Variants in ANKRD30A observed in about 807,000 individuals in gnomAD.
The protein encoded by ANKRD30A is ankyrin repeat domain-containing protein 30A.
A neutral mutation model predicts 166.3 loss-of-function variants in ANKRD30A; 170 were observed. That is an observed-to-expected ratio of 1.02 (90% CI 0.90 to 1.16). ANKRD30A has a LOEUF of 1.16. Ranked by LOEUF, ANKRD30A falls within the 50% of genes most tolerant of loss-of-function variation. The pLI is 0.00. For synonymous variants in ANKRD30A, 564 were observed against 508.9 expected (o/e 1.11, Z -1.46); for missense variants, 1,630 against 1,518.0 (o/e 1.07, Z -1.23).
In ANKRD30A at chr10:37,148,645, C is replaced by T. The variant is rs181583537; in HGVS notation, c.1544-1006C>T. Among the ~76,000 whole-genome samples, 141 of 151,948 alleles carry T rather than the reference C, an allele frequency of 9.3e-4. 1 individual carries two copies. Among genetic ancestry groups the T allele is most frequent in the African/African-American group, 3.2e-3 (131 of 41,472 alleles). Reference sequence around the variant, plus strand: ...AAATTATGGACACTCCAGAGACTACCAGAAGCAGGAGTCTTACTAGAATTG... The same window carrying T: ...AAATTATGGACACTCCAGAGACTACTAGAAGCAGGAGTCTTACTAGAATTG... On this transcript the variant is annotated intron_variant, in intron 9 of 35. Transcript: ENST00000361713.
chr10:37,162,745 T>G (rs755260374), intron 16 of ANKRD30A, 31 bp from the exon 17 acceptor site: 9 of 1,613,556 alleles, frequency 5.6e-6, no homozygotes, highest in Admixed American at 1.7e-5. Flanking sequence ...ATACATTCTT[T>G]ATTAATCATT....
chr10:37,205,438 G>C (rs1412994750), intron 31 of ANKRD30A, among the ~76,000 whole-genome samples: 1 of 150,868 alleles, frequency 6.6e-6, no homozygotes, highest in Non-Finnish European at 1.5e-5. Context: ...ATCACACACG[G>C]GGGCCTGTCA....
chr10:37,241,904 A>G, the ANKRD30A span: 1 of 152,168 alleles, frequency 6.6e-6, no homozygotes, highest in Admixed American at 6.5e-5. Flanking sequence ...GAACCATTTG[A>G]GAGTAAATTG....
intron 13 of ANKRD30A, among the ~76,000 whole-genome samples, chr10:37,154,524 T>C (rs1838217309): frequency 6.6e-6 from 1 of 152,094 alleles, no homozygotes; most frequent in Non-Finnish European, 1.5e-5. Flanking sequence ...ATTTTGAGGA[T>C]GTTTTTAGTC....
At chr10:37,200,391 C>G (rs1368532452) in intron 30 of ANKRD30A, among the ~76,000 whole-genome samples, 1 of 151,914 alleles carries the variant, frequency 6.6e-6, no homozygotes, top group East Asian at 1.9e-4. Flanking sequence ...AATGGAACTC[C>G]TTGAGTCCCT....
At chr10:37,134,512 T>C (rs917297322) in intron 5 of ANKRD30A, among the ~76,000 whole-genome samples, 6 of 152,230 alleles carry the variant, frequency 3.9e-5, no homozygotes, top group African/African-American at 1.2e-4. Flanking sequence ...CTAGTAATGA[T>C]TGACCTTTGT....
intron 31 of ANKRD30A, among the ~76,000 whole-genome samples, chr10:37,201,950 A>G (rs762942064): frequency 3.0e-4 from 46 of 152,060 alleles, no homozygotes; most frequent in Non-Finnish European, 5.6e-4. Context: ...ATTTTCATAG[A>G]AAATCAGCGG....
At position 37,130,277 on chromosome 10, in the gene ANKRD30A, G is replaced by A; in HGVS notation, c.409G>A (p.Val137Met). The change falls in exon 3 of 36, where the codon GTG becomes ATG. Residue 137 changes from valine (V) to methionine (M), a missense_variant. Coordinates refer to ENST00000361713, the MANE Select transcript of ANKRD30A (RefSeq NM_052997.3). ...DSGADINLVD[V>M]YGNTALHYAV... ...TGGTGCCGATATAAATCTCGTAGAT[G>A]TGTATGGCAACACGGCTCTCCATTA... 2 of 1,605,526 alleles carry A rather than the reference G, an allele frequency of 1.2e-6. No homozygotes were observed. Among genetic ancestry groups the A allele is most frequent in the South Asian group, 2.2e-5 (2 of 90,224 alleles).
chr10:37,233,655 T>A (rs1843547019), downstream of ANKRD30A, among the ~76,000 whole-genome samples: 1 of 152,174 alleles, frequency 6.6e-6, no homozygotes, highest in African/African-American at 2.4e-5. Flanking sequence ...GACTTAATAA[T>A]TCTATGAAGA....
the ANKRD30A span, among the ~76,000 whole-genome samples, chr10:37,239,667 T>C: frequency 6.6e-6 from 1 of 152,140 alleles, no homozygotes; most frequent in Non-Finnish European, 1.5e-5. Context: ...CTAACCTTTG[T>C]AGTAGTAAGA....
intron 13 of ANKRD30A, among the ~76,000 whole-genome samples, chr10:37,156,074 C>G (rs1211879685): frequency 7.1e-6 from 1 of 141,838 alleles, no homozygotes; most frequent in Non-Finnish European, 1.5e-5. Context: ...GAGTGATACG[C>G]TATCAAAAAA....
chr10:37,190,311 T>A (rs71489112), intron 25 of ANKRD30A, among the ~76,000 whole-genome samples: 45 of 150,798 alleles, frequency 3.0e-4, no homozygotes, highest in South Asian at 8.4e-4. Flanking sequence ...TGCTCTGGGT[T>A]GCAAGAGGAG....
chr10:37,159,729 G>C (rs1838698495), intron 15 of ANKRD30A, among the ~76,000 whole-genome samples: 1 of 150,542 alleles, frequency 6.6e-6, no homozygotes, highest in South Asian at 2.1e-4. Flanking sequence ...TTGTTTTTTT[G>C]AGATCACCCA....
At chr10:37,166,019 C>T (rs547039045) in intron 18 of ANKRD30A, among the ~76,000 whole-genome samples, 1 of 152,214 alleles carries the variant, frequency 6.6e-6, no homozygotes, top group East Asian at 1.9e-4. Flanking sequence ...ACATTCTATT[C>T]AAGCACTTTT....
In ANKRD30A at chr10:37,227,677, A is replaced by G. The variant is rs116088494; in HGVS notation, c.4186-3784A>G. Among the ~76,000 whole-genome samples the G allele has an allele frequency of 7.8e-3, 1,180 of 152,086 alleles. 9 individuals are homozygous for G. The highest frequency in any genetic ancestry group is 0.024 in the Middle Eastern group (7 of 294). The stretch of plus-strand genomic sequence containing the variant: ...GACTCCATGACTTGATGGGAAGTCA[A>G]GCTTACAAAGACAAGAGTCCATTCC... On this transcript the variant is annotated intron_variant, in intron 34 of 35. Transcript: ENST00000361713.
At chr10:37,259,250 A>T in the ANKRD30A span, among the ~76,000 whole-genome samples, 1 of 152,200 alleles carries the variant, frequency 6.6e-6, no homozygotes, top group Admixed American at 6.5e-5. Context: ...TACAGAATAT[A>T]TTCAAAGAGC....
downstream of ANKRD30A, chr10:37,232,697 T>TATATATATATATATAA (rs1273812991): frequency 2.6e-5 from 2 of 78,396 alleles, no homozygotes; most frequent in Non-Finnish European, 4.8e-5. Context: ...TATATATAAA[T>TATATATATATATATAA]AGAGAGAGAG....
intron 34 of ANKRD30A, among the ~76,000 whole-genome samples, chr10:37,225,127 A>G (rs1405348743): frequency 6.6e-6 from 1 of 151,044 alleles, no homozygotes; most frequent in African/African-American, 2.4e-5. Flanking sequence ...TGAAATACTA[A>G]AATAAATATT....
the ANKRD30A span, among the ~76,000 whole-genome samples, chr10:37,239,209 T>C: frequency 6.6e-6 from 1 of 152,164 alleles, no homozygotes; most frequent in Non-Finnish European, 1.5e-5. Flanking sequence ...TACTAATTTC[T>C]GAAAAGACAT....
Sources: allele counts gnomAD v4.1 joint callset (sites outside exome capture counted in the v4.1 genomes callset), GRCh38; gene constraint gnomAD v4.1.1; transcripts MANE v1.5; gene names NCBI Gene and HGNC (gene_info 2026-07-23, HGNC 2026-07-21).